Variants in GOLM2 observed in about 807,000 individuals in gnomAD.
GOLM2 encodes golgi membrane protein 2.
Under a neutral mutation model 55.9 loss-of-function variants are expected in GOLM2, and 26 were observed. The observed-to-expected ratio is 0.47, with a 90% CI of 0.34 to 0.65. The LOEUF is 0.65. GOLM2 is among the 30% of genes least tolerant of loss of function. The pLI, the probability that GOLM2 is intolerant of heterozygous loss-of-function variation, is 0.01. For missense variants in GOLM2, 486 were observed against 531.8 expected, an observed-to-expected ratio of 0.91 and a Z score of 0.85; for synonymous variants, 165 against 194.6, an observed-to-expected ratio of 0.85 and a Z score of 1.27.
intron 1 of GOLM2, among the ~76,000 whole-genome samples, chr15:44,296,103 T>C (rs1044257535): frequency 3.3e-5 from 5 of 152,196 alleles, no homozygotes; most frequent in African/African-American, 1.2e-4. Flanking sequence ...GCAGTAGCTA[T>C]TCATAGGTGT....
chr15:44,336,531 A>T (rs529896378), intron 4 of GOLM2, among the ~76,000 whole-genome samples: 1 of 152,328 alleles, frequency 6.6e-6, no homozygotes, highest in South Asian at 2.1e-4. Context: ...CGATGCAAAT[A>T]TTTATTGTTG....
rs753716145 is a variant in GOLM2, at chr15:44,289,004, C to T, written c.-26C>T. The T allele has an allele frequency of 1.3e-5, 20 of 1,598,174 alleles. No individual in the cohort carries two copies. In the South Asian group the frequency reaches 2.1e-4, roughly 17 times the overall value. On this transcript the variant is annotated 5_prime_UTR_variant, in exon 1 of 10. Transcript: ENST00000299957. The surrounding 1 kb of genome is among the most constrained non-coding windows in gnomAD (Gnocchi z 4.8). ...GCCTGCAGGTGTCTGCGGCGAGGCCCCTAGGGTACAGCCCGATTTGGCCCC... is the reference window on the plus strand; with the variant it reads ...GCCTGCAGGTGTCTGCGGCGAGGCCTCTAGGGTACAGCCCGATTTGGCCCC...
At chr15:44,385,385 G>A (rs1018251425) in intron 8 of GOLM2, among the ~76,000 whole-genome samples, 5 of 66,688 alleles carry the variant, frequency 7.5e-5, no homozygotes, top group South Asian at 5.5e-4. Context: ...CCTTCCCCCC[G>A]CCACTTTCAT....
In GOLM2 at chr15:44,289,293, C is replaced by T; in HGVS notation, c.264C>T (p.Tyr88=). The T allele has an allele frequency of 3.1e-6, 5 of 1,612,962 alleles. No homozygotes were observed. The highest frequency in any genetic ancestry group is 4.2e-6 in the Non-Finnish European group (5 of 1,179,700). ...AGATCGACCAGAAGGAGGCCGACTA[C>T]GGCCGCCTCAGCAGCCGGCTGCAGG... ...KKQIDQKEAD[Y]GRLSSRLQAR... The change falls in exon 1 of 10, where the codon TAC becomes TAT. Residue 88 remains tyrosine (Y), a synonymous_variant. Coordinates refer to ENST00000299957, the MANE Select transcript of GOLM2 (RefSeq NM_138423.4). This position sits in a 1 kb window ranked among gnomAD's most constrained non-coding sequence, Gnocchi z 4.8.
intron 8 of GOLM2, among the ~76,000 whole-genome samples, chr15:44,400,701 C>T (rs28388273): frequency 1.3e-5 from 2 of 151,328 alleles, no homozygotes; most frequent in Admixed American, 6.6e-5. Context: ...CTCAGCCTCC[C>T]GAGTAGCTGG....
At chr15:44,378,825 A>C (rs8024623) in intron 6 of GOLM2, among the ~76,000 whole-genome samples, 6,752 of 150,864 alleles carry the variant, frequency 0.045, 249 homozygotes, top group East Asian at 0.2. Context: ...AGCTCACTGC[A>C]ACTTCCGCCT....
intron 6 of GOLM2, among the ~76,000 whole-genome samples, chr15:44,341,184 C>T (rs2079088490): frequency 6.6e-6 from 1 of 150,898 alleles, no homozygotes; most frequent in Non-Finnish European, 1.5e-5. Flanking sequence ...AGGTTCATGC[C>T]ATTCTCCTGC....
chr15:44,388,683 AAAG>A (rs1205181166), intron 8 of GOLM2, among the ~76,000 whole-genome samples: 1 of 152,176 alleles, frequency 6.6e-6, no homozygotes, highest in Non-Finnish European at 1.5e-5. Context: ...CAAAAGAAAA[AAAG>A]AGAGAGGGAG....
intron 2 of GOLM2, among the ~76,000 whole-genome samples, chr15:44,327,503 C>T (rs1247660091): frequency 6.6e-6 from 1 of 152,046 alleles, no homozygotes; most frequent in Non-Finnish European, 1.5e-5. Flanking sequence ...TGTAACCCTT[C>T]TGTAAAAAAT....
intron 6 of GOLM2, among the ~76,000 whole-genome samples, chr15:44,372,042 G>C (rs1195159798): frequency 6.6e-6 from 1 of 152,112 alleles, no homozygotes; most frequent in African/African-American, 2.4e-5. Flanking sequence ...TTGAGGCTTA[G>C]AAAAATTAGG....
intron 1 of GOLM2, among the ~76,000 whole-genome samples, chr15:44,321,239 A>G (rs2078946312): frequency 6.6e-6 from 1 of 152,072 alleles, no homozygotes; most frequent in African/African-American, 2.4e-5. Context: ...TGGGAGACCA[A>G]GGCAAGAGGA....
chr15:44,340,545 G>C (rs1394841434), intron 6 of GOLM2, among the ~76,000 whole-genome samples: 1 of 152,174 alleles, frequency 6.6e-6, no homozygotes. Context: ...GGCGGGAGCT[G>C]TGGTGCCTAG....
At chr15:44,306,632 G>T (rs1355616464) in intron 1 of GOLM2, among the ~76,000 whole-genome samples, 2 of 152,146 alleles carry the variant, frequency 1.3e-5, no homozygotes, top group African/African-American at 2.4e-5. Flanking sequence ...CTATGTTCTT[G>T]ACGTGCCCTT....
intron 6 of GOLM2, among the ~76,000 whole-genome samples, chr15:44,340,556 CTGTAATTCGGTGATTTTTAAAGTGTGGT>C (rs539730840): frequency 1.7e-3 from 266 of 152,324 alleles, no homozygotes; most frequent in Middle Eastern, 3.4e-3. Context: ...TGGTGCCTAG[CTGTAATTCGGTGATTTTTAAAGTGTGGT>C]CTTTGGATCA....
chr15:44,365,106 A>G (rs1288649314), intron 6 of GOLM2, among the ~76,000 whole-genome samples: 2 of 152,236 alleles, frequency 1.3e-5, no homozygotes, highest in Non-Finnish European at 2.9e-5. Flanking sequence ...TAGAAGCTTT[A>G]TTCGTAATTG....
chr15:44,388,273 C>CAAAAAAA (rs35283840), intron 8 of GOLM2, among the ~76,000 whole-genome samples: 1 of 68,616 alleles, frequency 1.5e-5, no homozygotes, highest in Non-Finnish European at 3.0e-5. Context: ...GACCCTGTCT[C>CAAAAAAA]AAAAAAAAAA....
chr15:44,294,931 A>G (rs976580360), intron 1 of GOLM2, among the ~76,000 whole-genome samples: 9 of 151,738 alleles, frequency 5.9e-5, no homozygotes, highest in Admixed American at 2.6e-4. Context: ...TGCTTGGCAG[A>G]TATGCTCGTT....
chr15:44,380,785 T>C (rs745941245), intron 7 of GOLM2, 21 bp from the exon 8 acceptor site: 1 of 1,428,498 alleles, frequency 7.0e-7, no homozygotes, highest in Non-Finnish European at 9.2e-7. Flanking sequence ...ATTCTTTTAA[T>C]TTGATGTTTT....
chr15:44,300,239 A>G (rs2078788254), intron 1 of GOLM2, among the ~76,000 whole-genome samples: 1 of 150,558 alleles, frequency 6.6e-6, no homozygotes, highest in Non-Finnish European at 1.5e-5. Flanking sequence ...AGAGGGAAGA[A>G]AGAAAAGAAA....
Sources: allele counts gnomAD v4.1 joint callset (sites outside exome capture counted in the v4.1 genomes callset), GRCh38; gene constraint gnomAD v4.1.1; non-coding constraint Gnocchi (gnomAD v3.1); transcripts MANE v1.5; gene names NCBI Gene and HGNC (gene_info 2026-07-23, HGNC 2026-07-21).